The following MALT1 variants were observed in gnomAD, a reference collection of about 807,000 sequenced individuals.
The protein encoded by MALT1 is mucosa-associated lymphoid tissue lymphoma translocation protein 1.
In MALT1, 36 loss-of-function variants were observed where a neutral mutation model predicts 85.5. The ratio of observed to expected loss-of-function variants is 0.42; its 90% CI spans 0.32 to 0.56. The LOEUF (loss-of-function observed/expected upper bound fraction) is 0.56, where lower values mean the gene tolerates loss of function less well. Among genes scored for constraint, MALT1 ranks in the 20% least tolerant of loss-of-function variants. The pLI is 0.10. For missense variants in MALT1, 716 were observed against 981.6 expected (o/e 0.73, Z 3.62); for synonymous variants, 359 against 361.3 (o/e 0.99, Z 0.07).
In MALT1 at chr18:58,671,637, G is replaced by A. The variant is rs1479968030; in HGVS notation, c.-7G>A. On this transcript the variant is annotated 5_prime_UTR_variant, in exon 1 of 17. Transcript: ENST00000649217. Reference sequence around the variant, plus strand: ...GCCCCGGCAGTCCGGGGTCGCCGGCGAGGGCCATGTCGCTGTTGGGGGACC... The same window carrying A: ...GCCCCGGCAGTCCGGGGTCGCCGGCAAGGGCCATGTCGCTGTTGGGGGACC... The A allele has an allele frequency of 5.8e-6, 7 of 1,214,032 alleles. No individual in the cohort carries two copies. In the African/African-American group the frequency reaches 9.4e-5, roughly 16 times the overall value. The allele number at this position is 1,214,032 out of a possible 1,614,324, so 75.2% of individuals were successfully genotyped here.
intron 9 of MALT1, among the ~76,000 whole-genome samples, chr18:58,720,662 T>TA (rs2054970517): frequency 1.3e-5 from 2 of 152,344 alleles, no homozygotes; most frequent in South Asian, 4.1e-4. Flanking sequence ...AATGATTTGA[T>TA]ATCAGCAAAA....
rs1378606233 is a variant in MALT1, at chr18:58,690,925, G to C, written c.377-5441G>C. ...GTACTGAGTACGGCCCCAGGAGAGA[G>C]GCCTGCTGTCTGGTCATTGTGGACA... On this transcript the variant is annotated intron_variant, in intron 2 of 16. Coordinates refer to ENST00000649217, the MANE Select transcript of MALT1 (RefSeq NM_006785.4). The C allele has an allele frequency of 4.1e-5, 10 of 244,270 alleles. No individual in the cohort carries two copies. In the Admixed American group the frequency reaches 4.7e-4, roughly 11 times the overall value. 15.1% of individuals were successfully genotyped at this position (244,270 alleles called of 1,614,324 possible). A position where few individuals can be genotyped will look rare whatever the true frequency, so the allele number is the denominator to read the frequency against.
intron 2 of MALT1, among the ~76,000 whole-genome samples, chr18:58,686,980 C>A (rs149942941): frequency 1.3e-4 from 20 of 152,296 alleles, no homozygotes; most frequent in African/African-American, 4.8e-4. Flanking sequence ...TCTGCTGACC[C>A]TGACCTGAAC....
chr18:58,716,084 T>A, intron 9 of MALT1, 117 bp downstream of exon 9: 1 of 728,216 alleles, frequency 1.4e-6, no homozygotes. Flanking sequence ...TGGGACCAAA[T>A]GTTTTATTTT....
intron 2 of MALT1, among the ~76,000 whole-genome samples, chr18:58,689,258 TAAA>T (rs11421834): frequency 6.9e-6 from 1 of 143,964 alleles, no homozygotes. Context: ...TTTTACAATG[TAAA>T]AAAAAAAAAA....
At chr18:58,733,248 A>G (rs866096855) in intron 10 of MALT1, 149 bp from the exon 11 acceptor site, 5 of 576,728 alleles carry the variant, frequency 8.7e-6, no homozygotes, top group South Asian at 7.7e-5. Context: ...AACATTGTCT[A>G]TATTTATAAT....
chr18:58,734,274 T>TTCTA, intron 11 of MALT1, 33 bp from the exon 12 acceptor site: 10 of 1,457,000 alleles, frequency 6.9e-6, no homozygotes, highest in Non-Finnish European at 9.6e-6. Context: ...CTTTTCATAT[T>TTCTA]TCTATCTGCC....
chr18:58,690,879 C>A, intron 2 of MALT1: 2 of 224,320 alleles, frequency 8.9e-6, no homozygotes, highest in Admixed American at 4.5e-5. Context: ...AATTTGATCT[C>A]TCATGCCTGT....
intron 2 of MALT1, among the ~76,000 whole-genome samples, chr18:58,683,815 C>T (rs1426001146): frequency 6.6e-6 from 1 of 152,074 alleles, no homozygotes; most frequent in African/African-American, 2.4e-5. Flanking sequence ...TCTCATAGGG[C>T]TTTTTTGCAT....
At position 58,723,010 on chromosome 18, in the gene MALT1, T is replaced by C. The variant is rs930683864; in HGVS notation, c.1019-38T>C. Reference sequence around the variant, plus strand: ...TCCATAGGTTTTGTTTTAATCTTTATATCTTCTTTAAACACCCCCTTTCTT... The same window carrying C: ...TCCATAGGTTTTGTTTTAATCTTTACATCTTCTTTAAACACCCCCTTTCTT... On this transcript the variant is annotated intron_variant, in intron 9 of 16. Coordinates refer to ENST00000649217, the MANE Select transcript of MALT1 (RefSeq NM_006785.4). 5 of 1,474,616 alleles carry C rather than the reference T, an allele frequency of 3.4e-6. No individual in the cohort carries two copies. The Admixed American group carries it at 8.6e-5, about 25-fold the overall frequency. The allele number at this position is 1,474,616 out of a possible 1,614,324, so 91.3% of individuals were successfully genotyped here. A position where few individuals can be genotyped will look rare whatever the true frequency, so the allele number is the denominator to read the frequency against.
Position 58,671,505 on chromosome 18 carries a change from T to TA in MALT1, c.-139_-138insA, listed in dbSNP as rs2054157465. On this transcript the variant is annotated 5_prime_UTR_variant, in exon 1 of 17. Transcript: ENST00000649217. ...GGGCGGGGAGCGGAGCTTCCTCCTC[T>TA]GAGGGCCGTGCCGCGCTGCCAGATT... The TA allele has an allele frequency of 1.0e-5, 5 of 483,734 alleles. No individual in the cohort carries two copies. Among genetic ancestry groups the TA allele is most frequent in the Non-Finnish European group, 1.6e-5 (5 of 313,488 alleles). The allele number at this position is 483,734 out of a possible 1,614,324, so 30.0% of individuals were successfully genotyped here.
chr18:58,727,628 G>GTTTTTTTTTTTTTTTTTTTTTT (rs74183292), intron 10 of MALT1, among the ~76,000 whole-genome samples: 3 of 130,636 alleles, frequency 2.3e-5, no homozygotes, highest in Non-Finnish European at 4.8e-5. Flanking sequence ...TTTTTTTTTT[G>GTTTTTTTTTTTTTTTTTTTTTT]TTTTTTTTTT....
At chr18:58,720,446 T>G (rs1231146024) in intron 9 of MALT1, among the ~76,000 whole-genome samples, 1 of 152,218 alleles carries the variant, frequency 6.6e-6, no homozygotes, top group Non-Finnish European at 1.5e-5. Context: ...ACCCACCATC[T>G]TTTTCACCAG....
chr18:58,736,140 TAAAAA>T (rs1019174079), intron 13 of MALT1, among the ~76,000 whole-genome samples: 14 of 152,028 alleles, frequency 9.2e-5, no homozygotes, highest in Admixed American at 4.6e-4. Flanking sequence ...AAAATAAAAA[TAAAAA>T]AGAAGAAATT....
At chr18:58,709,832 C>G in intron 5 of MALT1, 144 bp from the exon 6 acceptor site, 1 of 618,916 alleles carries the variant, frequency 1.6e-6, no homozygotes, top group Non-Finnish European at 2.8e-6. Flanking sequence ...GGTATTTAAC[C>G]TGATGAATGG....
intron 4 of MALT1, 62 bp downstream of exon 4, chr18:58,700,653 A>T: frequency 7.1e-7 from 1 of 1,407,680 alleles, no homozygotes; most frequent in East Asian, 2.7e-5. Context: ...TTTATTTTAA[A>T]TGTTTACTTT....
chr18:58,720,361 G>A (rs1231473925), intron 9 of MALT1, among the ~76,000 whole-genome samples: 1 of 151,630 alleles, frequency 6.6e-6, no homozygotes, highest in Non-Finnish European at 1.5e-5. Flanking sequence ...ACTACTTCTC[G>A]ATCTTCCATC....
At chr18:58,730,568 TG>T (rs2055134599) in intron 10 of MALT1, among the ~76,000 whole-genome samples, 1 of 152,240 alleles carries the variant, frequency 6.6e-6, no homozygotes, top group South Asian at 2.1e-4. Flanking sequence ...TTTTTGGACA[TG>T]ATTAATAATA....
At chr18:58,734,116 T>G in intron 11 of MALT1, 191 bp from the exon 12 acceptor site, 1 of 1,324,312 alleles carries the variant, frequency 7.6e-7, no homozygotes. Flanking sequence ...CAACTCTAGT[T>G]TTAAAGCTAA....
Sources: gnomAD v4.1 joint callset for allele counts (sites outside exome capture counted in the v4.1 genomes callset) on GRCh38, gnomAD v4.1.1 for gene constraint, MANE v1.5 for transcripts, NCBI Gene and HGNC (gene_info 2026-07-23, HGNC 2026-07-21) for gene names.